Variants in ZDHHC11 observed in about 807,000 individuals in gnomAD.
ZDHHC11 encodes zDHHC palmitoyltransferase 11.
A neutral mutation model predicts 51.3 loss-of-function variants in ZDHHC11; 44 were observed. The ratio of observed to expected loss-of-function variants is 0.86; its 90% CI spans 0.67 to 1.10. ZDHHC11 has a LOEUF of 1.10. Ranked by LOEUF, ZDHHC11 falls within the 50% of genes least tolerant of loss-of-function variation. The pLI, the probability that ZDHHC11 is intolerant of heterozygous loss-of-function variation, is 0.00. For missense variants in ZDHHC11, 400 were observed against 537.7 expected (o/e 0.74, Z 2.53); for synonymous variants, 163 against 222.0 (o/e 0.73, Z 2.36).
intron 2 of ZDHHC11, chr5:847,898 A>T (rs1746510060): frequency 1.8e-6 from 1 of 548,772 alleles, no homozygotes; most frequent in African/African-American, 2.0e-5. Context: ...CACCAGCCTC[A>T]CTCTGGGCCA....
At position 825,342 on chromosome 5, in the gene ZDHHC11, C is replaced by A. The variant is rs1455873762; in HGVS notation, c.936-91G>T. On this transcript the variant is annotated intron_variant, in intron 7 of 12. Transcript: ENST00000283441. ...GAGGCTGCACCGCGTCGTGTCAGCA[C>A]CACTGCTGTGGGGCACACATGTCTC... The A allele has an allele frequency of 6.2e-5, 82 of 1,316,536 alleles. 1 individual carries two copies. The highest frequency in any genetic ancestry group is 8.5e-5 in the Non-Finnish European group (78 of 914,268). The allele number at this position is 1,316,536 out of a possible 1,614,324, so 81.6% of individuals were successfully genotyped here.
upstream of ZDHHC11, among the ~76,000 whole-genome samples, chr5:853,110 C>T (rs1276046838): frequency 2.8e-5 from 4 of 141,954 alleles, no homozygotes; most frequent in African/African-American, 5.3e-5. Context: ...ACAGGCCCCA[C>T]GGAGGACAAT....
chr5:807,319 C>T (rs1468783938), intron 11 of ZDHHC11, among the ~76,000 whole-genome samples: 1 of 150,708 alleles, frequency 6.6e-6, no homozygotes, highest in Non-Finnish European at 1.5e-5. Flanking sequence ...GAATATACAA[C>T]TATATCTATA....
intron 11 of ZDHHC11, among the ~76,000 whole-genome samples, chr5:802,475 G>C (rs1738565984): frequency 6.7e-6 from 1 of 150,004 alleles, no homozygotes; most frequent in Admixed American, 6.7e-5. Context: ...TGGTGGGGAA[G>C]AATGTAGATA....
intron 11 of ZDHHC11, among the ~76,000 whole-genome samples, chr5:810,873 T>C (rs1388426503): frequency 6.6e-6 from 1 of 152,184 alleles, no homozygotes; most frequent in African/African-American, 2.4e-5. Flanking sequence ...GATTTAAAGA[T>C]GGAGCGGTTT....
chr5:824,682 A>G (rs2150344615), intron 8 of ZDHHC11, among the ~76,000 whole-genome samples: 1 of 151,098 alleles, frequency 6.6e-6, no homozygotes, highest in Admixed American at 6.6e-5. Context: ...ATGTGCAACC[A>G]CACACCATAC....
upstream of ZDHHC11, among the ~76,000 whole-genome samples, chr5:860,124 C>A (rs1748714121): frequency 6.6e-6 from 1 of 152,176 alleles, no homozygotes; most frequent in African/African-American, 2.4e-5. This position sits in a 1 kb window ranked among gnomAD's most constrained non-coding sequence, Gnocchi z 4.2. Flanking sequence ...ACGAGGTACA[C>A]AAGTAAGAGG....
At chr5:799,478 G>A (rs1277458979) in intron 12 of ZDHHC11, among the ~76,000 whole-genome samples, 5 of 151,630 alleles carry the variant, frequency 3.3e-5, no homozygotes, top group African/African-American at 1.2e-4. Context: ...GACACGCCTT[G>A]TGTCCATCAC....
intron 11 of ZDHHC11, among the ~76,000 whole-genome samples, chr5:807,849 G>A (rs1739486407): frequency 6.6e-6 from 1 of 151,550 alleles, no homozygotes. Flanking sequence ...ATTAGTTTCT[G>A]ATCACTCTGC....
At chr5:832,228 C>T (rs1246718336) in intron 7 of ZDHHC11, among the ~76,000 whole-genome samples, 1 of 106,508 alleles carries the variant, frequency 9.4e-6, no homozygotes, top group Non-Finnish European at 1.6e-5. Flanking sequence ...ATCGTAGTAT[C>T]TCACTTATAA....
chr5:858,256 T>G (rs1202072243), intron 1 of ZDHHC11, among the ~76,000 whole-genome samples: 1 of 149,992 alleles, frequency 6.7e-6, no homozygotes, highest in African/African-American at 2.5e-5. Flanking sequence ...TCTGTCCTGG[T>G]CCCCATCCTG....
intron 5 of ZDHHC11, 61 bp from the exon 6 acceptor site, chr5:837,541 A>G: frequency 6.4e-7 from 1 of 1,562,452 alleles, no homozygotes. Context: ...CACGGCGCCC[A>G]CAGGACAGCT....
chr5:843,927 GAGGCAGGGGC>G (rs1745598737), intron 3 of ZDHHC11, among the ~76,000 whole-genome samples: 4 of 118,052 alleles, frequency 3.4e-5, no homozygotes, highest in South Asian at 2.8e-4. Context: ...CAGGGCATCT[GAGGCAGGGGC>G]GGGGGCATGC....
chr5:797,463 T>C (rs1286951530), intron 12 of ZDHHC11, among the ~76,000 whole-genome samples: 1 of 151,604 alleles, frequency 6.6e-6, no homozygotes, highest in Admixed American at 6.6e-5. Flanking sequence ...TTCTCATTCA[T>C]TTTTTTCACA....
chr5:841,406 G>C (rs954617328), intron 4 of ZDHHC11: 1 of 966,946 alleles, frequency 1.0e-6, no homozygotes, highest in Admixed American at 6.8e-5. Context: ...TCCTCACTAA[G>C]TGCCGGGGTC....
intron 11 of ZDHHC11, among the ~76,000 whole-genome samples, chr5:808,003 G>A (rs1466123362): frequency 6.6e-6 from 1 of 150,934 alleles, no homozygotes; most frequent in East Asian, 2.0e-4. Context: ...TGGGGGTGCA[G>A]GCCAGTCCCC....
chr5:808,898 C>T (rs1739682059), intron 11 of ZDHHC11, among the ~76,000 whole-genome samples: 1 of 148,544 alleles, frequency 6.7e-6, no homozygotes, highest in Non-Finnish European at 1.5e-5. Flanking sequence ...CAGGGTTTCA[C>T]CGTGTTAGCC....
chr5:851,407 G>C (rs1434260321), upstream of ZDHHC11, among the ~76,000 whole-genome samples: 2 of 152,112 alleles, frequency 1.3e-5, no homozygotes, highest in Non-Finnish European at 2.9e-5. Flanking sequence ...GGCCGCTACG[G>C]GGTGGGGGGT....
chr5:841,278 A>C, intron 4 of ZDHHC11: 1 of 971,784 alleles, frequency 1.0e-6, no homozygotes, highest in Non-Finnish European at 1.2e-6. Flanking sequence ...GGGCCCCAGC[A>C]CCCACCCCTT....
Sources: allele counts gnomAD v4.1 joint callset (sites outside exome capture counted in the v4.1 genomes callset), GRCh38; gene constraint gnomAD v4.1.1; non-coding constraint Gnocchi (gnomAD v3.1); transcripts MANE v1.5; gene names NCBI Gene and HGNC (gene_info 2026-07-23, HGNC 2026-07-21).